The following UNC13C variants were observed in gnomAD, a reference collection of about 807,000 sequenced individuals.
UNC13C encodes unc-13 homolog C, also known as protein unc-13 homolog C.
A neutral mutation model predicts 245.4 loss-of-function variants in UNC13C; 174 were observed. The observed-to-expected ratio is 0.71, with a 90% CI of 0.63 to 0.80. The LOEUF (loss-of-function observed/expected upper bound fraction) is 0.80, where lower values mean the gene tolerates loss of function less well. UNC13C is among the 30% of genes least tolerant of loss of function. The pLI is 0.00. For missense variants in UNC13C, 2,829 were observed against 2,602.9 expected (o/e 1.09, Z -1.89); for synonymous variants, 992 against 895.1 (o/e 1.11, Z -1.93).
At chr15:54,493,090 C>T (rs912751605) in intron 19 of UNC13C, among the ~76,000 whole-genome samples, 1 of 152,066 alleles carries the variant, frequency 6.6e-6, no homozygotes, top group Non-Finnish European at 1.5e-5. Flanking sequence ...AGTCCCCGAG[C>T]GAAGGTCTCC....
At chr15:53,980,096 A>C (rs982745505) in intron 1 of UNC13C, among the ~76,000 whole-genome samples, 28 of 152,188 alleles carry the variant, frequency 1.8e-4, no homozygotes, top group Non-Finnish European at 1.5e-5. Flanking sequence ...TTATGATTAA[A>C]AAGTTCAAAT....
At chr15:53,981,411 G>C (rs1250322917) in intron 1 of UNC13C, among the ~76,000 whole-genome samples, 1 of 152,120 alleles carries the variant, frequency 6.6e-6, no homozygotes, top group Non-Finnish European at 1.5e-5. Context: ...GTTTGTTTCT[G>C]AAATACACTT....
At chr15:54,136,495 A>G (rs1366841492) in intron 2 of UNC13C, among the ~76,000 whole-genome samples, 3 of 152,118 alleles carry the variant, frequency 2.0e-5, no homozygotes, top group African/African-American at 7.2e-5. Context: ...GTAAACAGAA[A>G]CGATTTACTT....
intron 4 of UNC13C, among the ~76,000 whole-genome samples, chr15:54,222,677 C>T (rs1344258013): frequency 6.6e-6 from 1 of 152,058 alleles, no homozygotes; most frequent in Non-Finnish European, 1.5e-5. Context: ...AACTGATCTC[C>T]ATAGTGCTTG....
chr15:54,365,388 A>T (rs969010609), intron 17 of UNC13C, among the ~76,000 whole-genome samples: 3 of 152,128 alleles, frequency 2.0e-5, no homozygotes, highest in Admixed American at 6.6e-5. Context: ...TTTAAAAACC[A>T]CTTTGTTGAG....
chr15:54,574,257 CT>C (rs1897869275), intron 30 of UNC13C, among the ~76,000 whole-genome samples: 1 of 152,056 alleles, frequency 6.6e-6, no homozygotes, highest in East Asian at 1.9e-4. Flanking sequence ...CATGTTATTT[CT>C]CCAAAATTTG....
the UNC13C span, among the ~76,000 whole-genome samples, chr15:53,904,557 A>G: frequency 1.3e-5 from 2 of 152,192 alleles, 1 homozygote; most frequent in South Asian, 4.1e-4. Flanking sequence ...CATGAGGGAT[A>G]TCATCATATT....
the UNC13C span, among the ~76,000 whole-genome samples, chr15:53,877,857 C>A: frequency 5.3e-5 from 8 of 152,246 alleles, no homozygotes; most frequent in Admixed American, 3.3e-4. Context: ...CTCCTGACCT[C>A]GTAACTATGG....
intron 17 of UNC13C, among the ~76,000 whole-genome samples, chr15:54,387,202 C>T (rs191064321): frequency 1.3e-5 from 2 of 152,274 alleles, no homozygotes; most frequent in South Asian, 2.1e-4. Flanking sequence ...AAAATGCCTG[C>T]TCCGTGACAA....
At chr15:54,341,456 C>G (rs567789606) in intron 17 of UNC13C, among the ~76,000 whole-genome samples, 4 of 152,242 alleles carry the variant, frequency 2.6e-5, no homozygotes, top group African/African-American at 7.2e-5. Flanking sequence ...GGCTTAAAAA[C>G]TCACTATTGG....
intron 4 of UNC13C, among the ~76,000 whole-genome samples, chr15:54,207,763 A>T (rs2034760422): frequency 6.6e-6 from 1 of 152,106 alleles, no homozygotes; most frequent in African/African-American, 2.4e-5. Flanking sequence ...ATCATTCACT[A>T]CTGTAGTGAT....
chr15:54,567,776 C>A, intron 29 of UNC13C, 24 bp from the exon 30 acceptor site: 2 of 1,560,726 alleles, frequency 1.3e-6, no homozygotes, highest in South Asian at 1.2e-5. Flanking sequence ...CTAAATGCCT[C>A]GGCTTATTTT....
intron 4 of UNC13C, among the ~76,000 whole-genome samples, chr15:54,226,356 G>A (rs2035382727): frequency 6.6e-6 from 1 of 152,054 alleles, no homozygotes; most frequent in Non-Finnish European, 1.5e-5. Context: ...TCAATTGCCT[G>A]GAGTAGTTTC....
At chr15:54,433,204 G>C (rs1164014618) in intron 19 of UNC13C, among the ~76,000 whole-genome samples, 1 of 151,948 alleles carries the variant, frequency 6.6e-6, no homozygotes, top group Non-Finnish European at 1.5e-5. Flanking sequence ...CCAAACAATA[G>C]AAAAAGAGAT....
At chr15:53,877,842 C>G in the UNC13C span, among the ~76,000 whole-genome samples, 1 of 152,174 alleles carries the variant, frequency 6.6e-6, no homozygotes, top group Non-Finnish European at 1.5e-5. Context: ...TATGCCAATT[C>G]TACCCTCCTG....
intron 4 of UNC13C, among the ~76,000 whole-genome samples, chr15:54,198,789 G>A (rs2034436456): frequency 6.6e-6 from 1 of 151,986 alleles, no homozygotes; most frequent in Non-Finnish European, 1.5e-5. Context: ...GTGGTAATAT[G>A]ACAAAACAAG....
At chr15:53,906,946 G>C in the UNC13C span, among the ~76,000 whole-genome samples, 1 of 151,860 alleles carries the variant, frequency 6.6e-6, no homozygotes, top group Non-Finnish European at 1.5e-5. Context: ...TCACGATCAT[G>C]ATAACAGCAT....
chr15:54,303,820 G>C (rs1297601650), intron 13 of UNC13C, among the ~76,000 whole-genome samples: 1 of 151,992 alleles, frequency 6.6e-6, no homozygotes, highest in Non-Finnish European at 1.5e-5. Flanking sequence ...CAGAAAGGCG[G>C]GGTCAACTCA....
chr15:54,440,003 C>G (rs1890429990), intron 19 of UNC13C, among the ~76,000 whole-genome samples: 1 of 151,810 alleles, frequency 6.6e-6, no homozygotes, highest in Admixed American at 6.6e-5. Context: ...GTGTCCTCAC[C>G]CAAATCTCAT....
Sources: allele counts gnomAD v4.1 joint callset (sites outside exome capture counted in the v4.1 genomes callset), GRCh38; gene constraint gnomAD v4.1.1; transcripts MANE v1.5; gene names NCBI Gene and HGNC (gene_info 2026-07-23, HGNC 2026-07-21).